Variants in KIRREL1 observed in about 807,000 individuals in gnomAD.
The protein encoded by KIRREL1 is kin of IRRE-like protein 1.
In KIRREL1, 25 loss-of-function variants were observed where a neutral mutation model predicts 83.3. The observed-to-expected ratio is 0.30, with a 90% CI of 0.22 to 0.42. The LOEUF is 0.42. Ranked by LOEUF, KIRREL1 falls within the 10% of genes least tolerant of loss-of-function variation. The pLI, the probability that KIRREL1 is intolerant of heterozygous loss-of-function variation, is 1.00. For missense variants in KIRREL1, 812 were observed against 1,032.3 expected (o/e 0.79, Z 2.92); for synonymous variants, 388 against 410.4 (o/e 0.95, Z 0.66).
rs1286788670 is a variant in KIRREL1 at position 158,094,849 on chromosome 1, C to A, written c.2003C>A (p.Pro668His). The A allele has an allele frequency of 6.2e-7, 1 of 1,613,990 alleles. No homozygotes were observed. The highest frequency in any genetic ancestry group is 8.5e-7 in the Non-Finnish European group (1 of 1,179,970). Residue 668 changes from proline to histidine, a missense_variant, in exon 15 of 15, where the codon CCT (proline) becomes CAT (histidine). Pro to His is a moderately conservative substitution (Grantham distance 77). Coordinates refer to ENST00000359209, the MANE Select transcript of KIRREL1 (RefSeq NM_018240.7). The surrounding 1 kb of genome is among the most constrained non-coding windows in gnomAD (Gnocchi z 4.6). The stretch of plus-strand genomic sequence containing the variant: ...GACTATGGCCCTGAGCCCACACCCC[C>A]TGGCCCTGCTGCCCCAGCTGGCACT... Reference protein sequence around the residue: ...ASDYGPEPTPPGPAAPAGTDT... With the variant: ...ASDYGPEPTPHGPAAPAGTDT...
At chr1:157,995,874 G>A (rs1659184342) in intron 1 of KIRREL1, among the ~76,000 whole-genome samples, 1 of 151,864 alleles carries the variant, frequency 6.6e-6, no homozygotes, top group African/African-American at 2.4e-5. Context: ...GAGTGTTGGG[G>A]GAAGCTTGGC....
chr1:158,077,322 A>G (rs1191725757), intron 2 of KIRREL1, among the ~76,000 whole-genome samples: 2 of 152,114 alleles, frequency 1.3e-5, no homozygotes, highest in Non-Finnish European at 2.9e-5. Flanking sequence ...ATCAATAGAT[A>G]TGGAGTGAGA....
intron 1 of KIRREL1, among the ~76,000 whole-genome samples, chr1:158,042,380 A>T (rs1175602501): frequency 6.6e-6 from 1 of 152,154 alleles, no homozygotes; most frequent in Admixed American, 6.5e-5. Flanking sequence ...TTTCACTGGG[A>T]GGCAGCTAAG....
intron 1 of KIRREL1, among the ~76,000 whole-genome samples, chr1:158,021,837 A>C (rs1044077907): frequency 6.6e-6 from 1 of 152,162 alleles, no homozygotes; most frequent in Non-Finnish European, 1.5e-5. Context: ...ATCAGGATAT[A>C]TGTAAGCAAC....
chr1:158,000,193 C>T (rs1033893536), intron 1 of KIRREL1, among the ~76,000 whole-genome samples: 3 of 152,164 alleles, frequency 2.0e-5, no homozygotes, highest in African/African-American at 7.2e-5. Flanking sequence ...TTCACACATG[C>T]CTTCATAGTG....
chr1:158,079,288 A>C (rs1368094726), intron 3 of KIRREL1, among the ~76,000 whole-genome samples: 1 of 152,090 alleles, frequency 6.6e-6, no homozygotes, highest in African/African-American at 2.4e-5. Flanking sequence ...TTTGGGTACA[A>C]GGAAGGTTTT....
chr1:157,993,771 G>T (rs1031805980), intron 1 of KIRREL1, 43 bp downstream of exon 1: 367 of 1,341,210 alleles, frequency 2.7e-4, no homozygotes, highest in Non-Finnish European at 3.3e-4. Context: ...GCTTCCCCCC[G>T]GGGCCGGGGC....
chr1:158,056,103 G>A (rs569813524), intron 1 of KIRREL1, among the ~76,000 whole-genome samples: 1 of 152,248 alleles, frequency 6.6e-6, no homozygotes, highest in East Asian at 1.9e-4. Context: ...GCCCTGCCAG[G>A]GATACACTCC....
intron 1 of KIRREL1, among the ~76,000 whole-genome samples, chr1:158,024,070 C>T (rs535194470): frequency 2.6e-5 from 4 of 152,134 alleles, no homozygotes; most frequent in African/African-American, 7.2e-5. Context: ...GCCTTAGCCT[C>T]TCAAGTAGCT....
intron 1 of KIRREL1, among the ~76,000 whole-genome samples, chr1:158,028,786 A>C (rs927981361): frequency 6.6e-6 from 1 of 152,062 alleles, no homozygotes; most frequent in Non-Finnish European, 1.5e-5. Context: ...TGTCCATTTC[A>C]TAGGTGCACA....
At chr1:158,087,644 C>G in intron 5 of KIRREL1, 111 bp from the exon 6 acceptor site, 1 of 719,310 alleles carries the variant, frequency 1.4e-6, no homozygotes, top group South Asian at 2.0e-5. Context: ...ACTGCAACCT[C>G]AAATTCCTAG....
At position 158,095,249 on chromosome 1, in the gene KIRREL1, TG is replaced by T; in HGVS notation, c.*133del. On this transcript the variant is annotated 3_prime_UTR_variant, in exon 15 of 15. Coordinates refer to ENST00000359209, the MANE Select transcript of KIRREL1 (RefSeq NM_018240.7). Reference sequence around the variant, plus strand: ...GCCTTCTTCCTCCCACCATGGCAGGTGGGGAGCAGGTCTCCCAGAAACACCC... The same window carrying T: ...GCCTTCTTCCTCCCACCATGGCAGGTGGGAGCAGGTCTCCCAGAAACACCC... 4.2e-6 allele frequency: 3 copies of T among 720,462 alleles called. No individual in the cohort carries two copies. Among genetic ancestry groups the T allele is most frequent in the Non-Finnish European group, 4.5e-6 (2 of 446,638 alleles). 44.6% of individuals were successfully genotyped at this position (720,462 alleles called of 1,614,324 possible). A position where few individuals can be genotyped will look rare whatever the true frequency, so the allele number is the denominator to read the frequency against.
intron 3 of KIRREL1, among the ~76,000 whole-genome samples, chr1:158,082,358 G>A (rs776432148): frequency 6.6e-6 from 1 of 151,654 alleles, no homozygotes; most frequent in African/African-American, 2.4e-5. Context: ...GAACTCATCC[G>A]AGATCACACA....
At chr1:158,057,396 T>A (rs999906467) in intron 1 of KIRREL1, among the ~76,000 whole-genome samples, 1 of 152,170 alleles carries the variant, frequency 6.6e-6, no homozygotes, top group African/African-American at 2.4e-5. Flanking sequence ...TCTTTCTCAG[T>A]CCTCTCTCCT....
At chr1:158,055,885 T>G (rs2101598403) in intron 1 of KIRREL1, among the ~76,000 whole-genome samples, 1 of 152,316 alleles carries the variant, frequency 6.6e-6, no homozygotes, top group African/African-American at 2.4e-5. Flanking sequence ...CAGGAAGGCC[T>G]GGGGTTGTGG....
intron 1 of KIRREL1, among the ~76,000 whole-genome samples, chr1:158,004,231 G>C (rs140742874): frequency 1.3e-5 from 2 of 152,308 alleles, no homozygotes; most frequent in African/African-American, 4.8e-5. Context: ...AATACAATAA[G>C]TACTCAATAA....
At chr1:157,996,568 C>T (rs1333834894) in intron 1 of KIRREL1, among the ~76,000 whole-genome samples, 7 of 151,990 alleles carry the variant, frequency 4.6e-5, no homozygotes, top group African/African-American at 7.2e-5. Flanking sequence ...GGAGGAGGCC[C>T]GAGGGCCTCC....
At chr1:158,030,783 G>A (rs1031792232) in intron 1 of KIRREL1, 3 of 152,190 alleles carry the variant, frequency 2.0e-5, no homozygotes, top group Admixed American at 2.0e-4. Context: ...AGTAGCTGGA[G>A]TACCTGTCCT....
chr1:158,081,267 C>T (rs1024370891), intron 3 of KIRREL1, among the ~76,000 whole-genome samples: 2 of 152,314 alleles, frequency 1.3e-5, no homozygotes, highest in East Asian at 1.9e-4. Flanking sequence ...TTATCCTCTT[C>T]GAGCCTCCGT....
Sources: allele counts gnomAD v4.1 joint callset (sites outside exome capture counted in the v4.1 genomes callset), GRCh38; gene constraint gnomAD v4.1.1; non-coding constraint Gnocchi (gnomAD v3.1); transcripts MANE v1.5; gene names NCBI Gene and HGNC (gene_info 2026-07-23, HGNC 2026-07-21).